The following AKAP6 variants were observed in gnomAD, a reference collection of about 807,000 sequenced individuals.
The protein encoded by AKAP6 is A-kinase anchoring protein 6, also known as A-kinase anchor protein 6.
A neutral mutation model predicts 188.5 loss-of-function variants in AKAP6; 58 were observed. That is an observed-to-expected ratio of 0.31 (90% CI 0.25 to 0.38). The LOEUF is 0.38. Among genes scored for constraint, AKAP6 ranks in the 10% least tolerant of loss-of-function variants. AKAP6 has a pLI of 1.00. For missense variants in AKAP6, 2,710 were observed against 2,740.0 expected (o/e 0.99, Z 0.24); for synonymous variants, 989 against 998.6 (o/e 0.99, Z 0.18).
chr14:32,451,859 G>A (rs75156835), intron 2 of AKAP6, among the ~76,000 whole-genome samples: 15,303 of 151,904 alleles, frequency 0.1, 1,533 homozygotes, highest in African/African-American at 0.25. Flanking sequence ...TTTCCAAATT[G>A]TATAGAATTC....
intron 1 of AKAP6, among the ~76,000 whole-genome samples, chr14:32,382,083 T>TA (rs1888381766): frequency 6.6e-6 from 1 of 152,188 alleles, no homozygotes; most frequent in Non-Finnish European, 1.5e-5. Context: ...AGTAATACCT[T>TA]ACAAGATTGT....
intron 5 of AKAP6, among the ~76,000 whole-genome samples, chr14:32,582,499 G>C (rs563042768): frequency 7.2e-5 from 11 of 152,100 alleles, no homozygotes; most frequent in South Asian, 6.2e-4. Context: ...CGAGGAGTAT[G>C]TTTGTGGCGT....
chr14:32,624,625 T>A (rs12586675), intron 7 of AKAP6, among the ~76,000 whole-genome samples: 55,808 of 151,874 alleles, frequency 0.37, 10,952 homozygotes, highest in East Asian at 0.73. Context: ...GCCAGAAAAA[T>A]ATAGGCAGAG....
At chr14:32,690,076 TACACACACACACAC>T (rs10658220) in intron 8 of AKAP6, among the ~76,000 whole-genome samples, 30 of 136,020 alleles carry the variant, frequency 2.2e-4, no homozygotes, top group South Asian at 1.3e-3. Context: ...TGCCCCAAAA[TACACACACACACAC>T]ACACACACAC....
intron 2 of AKAP6, among the ~76,000 whole-genome samples, chr14:32,457,775 C>G (rs1262400663): frequency 1.3e-5 from 2 of 152,182 alleles, no homozygotes; most frequent in Non-Finnish European, 2.9e-5. Flanking sequence ...GCATTTTCAT[C>G]TCTGTTTAGA....
chr14:32,476,014 T>C (rs1224422901), intron 2 of AKAP6, among the ~76,000 whole-genome samples: 1 of 152,152 alleles, frequency 6.6e-6, no homozygotes, highest in Non-Finnish European at 1.5e-5. Context: ...TAAAAATGTT[T>C]TAAGTACATT....
intron 1 of AKAP6, among the ~76,000 whole-genome samples, chr14:32,393,379 T>A (rs1366456717): frequency 2.0e-5 from 3 of 152,084 alleles, no homozygotes; most frequent in African/African-American, 7.2e-5. Flanking sequence ...ACTGTCATGG[T>A]CATAAAAGAC....
At chr14:32,785,595 A>G (rs938000345) in intron 12 of AKAP6, among the ~76,000 whole-genome samples, 7 of 152,182 alleles carry the variant, frequency 4.6e-5, no homozygotes. Flanking sequence ...CTGACAGTTA[A>G]TATACGTGTG....
At chr14:32,631,031 T>C (rs1887247492) in intron 7 of AKAP6, among the ~76,000 whole-genome samples, 1 of 152,070 alleles carries the variant, frequency 6.6e-6, no homozygotes, top group African/African-American at 2.4e-5. Context: ...ACAGATTACA[T>C]GGAGAGATTT....
chr14:32,509,702 A>G (rs1881076023), intron 2 of AKAP6, among the ~76,000 whole-genome samples: 1 of 152,064 alleles, frequency 6.6e-6, no homozygotes, highest in South Asian at 2.1e-4. Flanking sequence ...TGGCTCCAGG[A>G]CACCAGTCTC....
intron 7 of AKAP6, among the ~76,000 whole-genome samples, chr14:32,647,742 A>G (rs1888042585): frequency 6.6e-6 from 1 of 152,110 alleles, no homozygotes; most frequent in African/African-American, 2.4e-5. Context: ...CTTTGGAGCA[A>G]TTGAAACACA....
intron 9 of AKAP6, among the ~76,000 whole-genome samples, chr14:32,710,657 C>T (rs1891014110): frequency 6.6e-6 from 1 of 151,982 alleles, no homozygotes; most frequent in Non-Finnish European, 1.5e-5. Flanking sequence ...ATGAATGAGG[C>T]TTAGTGCCTT....
chr14:32,639,896 G>T (rs1052400689), intron 7 of AKAP6, among the ~76,000 whole-genome samples: 2 of 152,088 alleles, frequency 1.3e-5, no homozygotes, highest in African/African-American at 4.8e-5. Flanking sequence ...TGGGTGTGGG[G>T]TGAGATTTGG....
intron 2 of AKAP6, among the ~76,000 whole-genome samples, chr14:32,449,994 C>T (rs775947473): frequency 6.6e-6 from 1 of 152,164 alleles, no homozygotes; most frequent in Non-Finnish European, 1.5e-5. Context: ...CTCGTGCCTC[C>T]TTCTTGCCTG....
In AKAP6 at chr14:32,356,503, C is replaced by G. The variant is rs530763103; in HGVS notation, c.-35+27095C>G. Reference sequence around the variant, plus strand: ...GGTTAACTTCCAGTATTGTTCCCTTCAGTACTCCCTTAATACTGCTGCCAG... The same window carrying G: ...GGTTAACTTCCAGTATTGTTCCCTTGAGTACTCCCTTAATACTGCTGCCAG... On this transcript the variant is annotated intron_variant, in intron 1 of 13. Coordinates refer to ENST00000280979, the MANE Select transcript of AKAP6 (RefSeq NM_004274.5). Among the ~76,000 whole-genome samples, 106 of 152,330 alleles carry G rather than the reference C, an allele frequency of 7.0e-4. 3 individuals are homozygous for G. In the South Asian group the frequency reaches 0.021, roughly 30 times the overall value.
chr14:32,395,608 C>G (rs1290419247), intron 1 of AKAP6, among the ~76,000 whole-genome samples: 1 of 152,154 alleles, frequency 6.6e-6, no homozygotes, highest in Non-Finnish European at 1.5e-5. Flanking sequence ...TGCTCTGGGA[C>G]AGTTACCTGC....
chr14:32,549,234 T>C (rs1199010629), intron 4 of AKAP6, among the ~76,000 whole-genome samples: 1 of 152,122 alleles, frequency 6.6e-6, no homozygotes, highest in Non-Finnish European at 1.5e-5. Flanking sequence ...TTCCTGTCCA[T>C]GAGGAAGTGA....
At chr14:32,431,605 C>T (rs1003263717) in intron 1 of AKAP6, among the ~76,000 whole-genome samples, 6 of 152,190 alleles carry the variant, frequency 3.9e-5, no homozygotes, top group African/African-American at 7.2e-5. Flanking sequence ...CTCCCCCTCC[C>T]GGGTTCAAGC....
At chr14:32,728,473 T>C (rs181858514) in intron 9 of AKAP6, among the ~76,000 whole-genome samples, 5 of 152,134 alleles carry the variant, frequency 3.3e-5, no homozygotes, top group African/African-American at 1.2e-4. Context: ...GCATTATATT[T>C]GTACCAGGAA....
Sources: gnomAD v4.1 joint callset for allele counts (sites outside exome capture counted in the v4.1 genomes callset) on GRCh38, gnomAD v4.1.1 for gene constraint, MANE v1.5 for transcripts, NCBI Gene and HGNC (gene_info 2026-07-23, HGNC 2026-07-21) for gene names.